Variants in PROM1 observed in about 807,000 individuals in gnomAD.
PROM1 encodes prominin-1.
In PROM1, 105 loss-of-function variants were observed where a neutral mutation model predicts 116.9. The ratio of observed to expected loss-of-function variants is 0.90; its 90% confidence interval spans 0.77 to 1.06. The LOEUF (loss-of-function observed/expected upper bound fraction) is 1.06. Among genes scored for constraint, PROM1 ranks in the 50% least tolerant of loss-of-function variants. The pLI is 0.00. For missense variants in PROM1, 1,122 were observed against 1,045.2 expected, an observed-to-expected ratio of 1.07 and a Z score of -1.01; for synonymous variants, 393 against 387.0, an observed-to-expected ratio of 1.02 and a Z score of -0.18.
chr4:15,998,753 T>G (rs1290723946), intron 14 of PROM1, among the ~76,000 whole-genome samples: 2 of 152,156 alleles, frequency 1.3e-5, no homozygotes, highest in African/African-American at 4.8e-5. Context: ...TCTTGCTCTG[T>G]TGCCCAGGCT....
intron 16 of PROM1, among the ~76,000 whole-genome samples, chr4:15,993,407 C>T (rs1365948901): frequency 6.6e-6 from 1 of 152,202 alleles, no homozygotes; most frequent in South Asian, 2.1e-4. Flanking sequence ...TTCTTCAGGC[C>T]AGTGTGCCCT....
chr4:15,992,895 C>T (rs1015701111), intron 16 of PROM1, among the ~76,000 whole-genome samples: 3 of 152,102 alleles, frequency 2.0e-5, no homozygotes, highest in African/African-American at 7.2e-5. Flanking sequence ...GTTACTTGGG[C>T]AAAGATTATG....
At chr4:15,977,154 T>C (rs560793217) in intron 26 of PROM1, among the ~76,000 whole-genome samples, 46 of 151,942 alleles carry the variant, frequency 3.0e-4, no homozygotes, top group African/African-American at 1.1e-3. Flanking sequence ...TGAGCACTGC[T>C]TCCAGAAAGC....
At chr4:16,077,541 A>C (rs931359410) in intron 1 of PROM1, among the ~76,000 whole-genome samples, 1 of 152,064 alleles carries the variant, frequency 6.6e-6, no homozygotes, top group African/African-American at 2.4e-5. Flanking sequence ...TTCTTTCTCT[A>C]TACTTTGTCT....
intron 15 of PROM1, 150 bp downstream of exon 15, chr4:15,998,235 T>A: frequency 8.1e-7 from 1 of 1,231,034 alleles, no homozygotes; most frequent in Non-Finnish European, 1.1e-6. Flanking sequence ...TTGATCTAAT[T>A]TCTACTGTGT....
At chr4:15,993,524 G>GGGGT (rs746907913) in intron 16 of PROM1, among the ~76,000 whole-genome samples, 8 of 152,192 alleles carry the variant, frequency 5.3e-5, no homozygotes, top group Non-Finnish European at 1.0e-4. Context: ...AGTTCACACT[G>GGGGT]GAGTCCTGGG....
chr4:16,077,270 C>A (rs937678958), intron 1 of PROM1, among the ~76,000 whole-genome samples: 1 of 152,196 alleles, frequency 6.6e-6, no homozygotes, highest in Admixed American at 6.5e-5. Context: ...GACATGCGGG[C>A]AACAATGCTG....
intron 5 of PROM1, 108 bp from the exon 6 acceptor site, chr4:16,025,420 T>G (rs1285425294): frequency 1.4e-5 from 19 of 1,373,004 alleles, no homozygotes; most frequent in Non-Finnish European, 1.6e-5. Context: ...GCAGAAGGAC[T>G]GGCCTTTCCT....
intron 2 of PROM1, among the ~76,000 whole-genome samples, chr4:16,039,466 C>T (rs552864994): frequency 6.6e-6 from 1 of 152,246 alleles, no homozygotes; most frequent in East Asian, 1.9e-4. Context: ...GGCAGGATGC[C>T]GTGGCTCACA....
At chr4:16,051,130 C>A (rs371513582) in intron 2 of PROM1, among the ~76,000 whole-genome samples, 1 of 152,172 alleles carries the variant, frequency 6.6e-6, no homozygotes, top group Non-Finnish European at 1.5e-5. Flanking sequence ...GTAGAAATAT[C>A]CAACTACTAA....
chr4:16,031,815 G>A (rs932083826), intron 5 of PROM1, among the ~76,000 whole-genome samples: 4 of 152,154 alleles, frequency 2.6e-5, no homozygotes, highest in African/African-American at 9.7e-5. Context: ...AGTTAAGGTC[G>A]ATTATTCCAC....
intron 5 of PROM1, among the ~76,000 whole-genome samples, chr4:16,029,437 G>T (rs1179245264): frequency 2.6e-5 from 4 of 151,884 alleles, no homozygotes; most frequent in African/African-American, 9.7e-5. Context: ...GAAGAAAGTT[G>T]GCTTTTTCTG....
intron 17 of PROM1, 151 bp downstream of exon 17, chr4:15,992,097 T>C (rs1721199080): frequency 2.1e-6 from 2 of 933,024 alleles, no homozygotes; most frequent in African/African-American, 3.3e-5. Context: ...TGCAGCACTG[T>C]GAATGTACTC....
intron 12 of PROM1, among the ~76,000 whole-genome samples, 197 bp from the exon 13 acceptor site, chr4:16,006,887 G>C (rs928308087): frequency 2.0e-5 from 3 of 152,196 alleles, no homozygotes; most frequent in Non-Finnish European, 2.9e-5. Flanking sequence ...AACCAGCGGA[G>C]AAACTTTTAT....
intron 2 of PROM1, among the ~76,000 whole-genome samples, chr4:16,064,622 A>C (rs1041279260): frequency 6.6e-6 from 1 of 152,200 alleles, no homozygotes; most frequent in African/African-American, 2.4e-5. Context: ...ATATTTTTTA[A>C]ATAAAAAGAA....
intron 3 of PROM1, among the ~76,000 whole-genome samples, chr4:16,037,574 C>T (rs1160271267): frequency 6.6e-6 from 1 of 152,172 alleles, no homozygotes; most frequent in Non-Finnish European, 1.5e-5. Flanking sequence ...ATGCCGGAAA[C>T]ACTAGCATTC....
chr4:16,070,394 T>G (rs187230317), intron 2 of PROM1, among the ~76,000 whole-genome samples: 38 of 152,246 alleles, frequency 2.5e-4, no homozygotes, highest in African/African-American at 9.1e-4. Context: ...AGAGGGGACT[T>G]TGTTATTATG....
chr4:15,971,896 C>T (rs1714641469), intron 26 of PROM1: 1 of 152,196 alleles, frequency 6.6e-6, no homozygotes, highest in African/African-American at 2.4e-5. Context: ...TCTTCTTGCA[C>T]TACCTTTTAT....
chr4:16,015,131 A>C (rs1338559651), intron 10 of PROM1, among the ~76,000 whole-genome samples: 1 of 152,018 alleles, frequency 6.6e-6, no homozygotes, highest in Admixed American at 6.6e-5. Context: ...GGGTCACCTG[A>C]GGTCAGGAAT....
Sources: allele counts gnomAD v4.1 joint callset (sites outside exome capture counted in the v4.1 genomes callset), GRCh38; gene constraint gnomAD v4.1.1; transcripts MANE v1.5; gene names NCBI Gene and HGNC (gene_info 2026-07-23, HGNC 2026-07-21).